Variants in ACP6 observed in about 807,000 individuals in gnomAD.
ACP6 encodes acid phosphatase 6, lysophosphatidic.
In ACP6, 48 loss-of-function variants were observed where a neutral mutation model predicts 48.1. The observed-to-expected ratio is 1.00, with a 90% CI of 0.79 to 1.27. ACP6 has a LOEUF of 1.27. Ranked by LOEUF, ACP6 falls within the 50% of genes most tolerant of loss-of-function variation. The pLI is 0.00. For missense variants in ACP6, 485 were observed against 529.1 expected (o/e 0.92, Z 0.82); for synonymous variants, 172 against 204.2 (o/e 0.84, Z 1.34).
chr1:147,667,187 G>A (rs1660838006), intron 1 of ACP6, among the ~76,000 whole-genome samples: 1 of 149,560 alleles, frequency 6.7e-6, no homozygotes, highest in Non-Finnish European at 1.5e-5. Context: ...AGCCATTCAA[G>A]CCATAAGAAA....
At position 147,646,025 on chromosome 1, in the gene ACP6, T is replaced by C. The variant is rs1322172907; in HGVS notation, c.*1398A>G. On this transcript the variant is annotated 3_prime_UTR_variant, in exon 10 of 10. Coordinates refer to ENST00000583509, the MANE Select transcript of ACP6 (RefSeq NM_016361.5). ...GCAACTGGGTTAGCAGATTTGGTGGTTGGGTGTTGGGGGATGTGGAAGTTT... is the reference window on the plus strand; with the variant it reads ...GCAACTGGGTTAGCAGATTTGGTGGCTGGGTGTTGGGGGATGTGGAAGTTT... The C allele has an allele frequency of 6.6e-6, 1 of 152,044 alleles. No individual in the cohort carries two copies. The highest frequency in any genetic ancestry group is 1.5e-5 in the Non-Finnish European group (1 of 68,014). The allele number at this position is 152,044 out of a possible 1,614,324, so 9.4% of individuals were successfully genotyped here.
rs1659667426 is a variant in ACP6, at chr1:147,647,337, TCTC to T, written c.*83_*85del. On this transcript the variant is annotated 3_prime_UTR_variant, in exon 10 of 10. Coordinates refer to ENST00000583509, the MANE Select transcript of ACP6 (RefSeq NM_016361.5). The stretch of plus-strand genomic sequence containing the variant: ...TATTAAAGTACATTACCCCTTGCTC[TCTC>T]CTCTTCCCAAACACACAAAGCAGGA... 9 of 1,482,080 alleles carry T rather than the reference TCTC, an allele frequency of 6.1e-6. No homozygotes were observed. In the South Asian group the frequency reaches 1.1e-4, roughly 18 times the overall value. The allele number at this position is 1,482,080 out of a possible 1,614,324, so 91.8% of individuals were successfully genotyped here.
At chr1:147,631,442 C>T (rs188974998) in intron 5 of ACP6, among the ~76,000 whole-genome samples, 17 of 152,260 alleles carry the variant, frequency 1.1e-4, no homozygotes, top group Non-Finnish European at 1.9e-4. Context: ...TCATTTATTA[C>T]GTGTTTGTTT....
At position 147,647,009 on chromosome 1, in the gene ACP6, C is replaced by T. The variant is rs1553209545; in HGVS notation, c.*414G>A. On this transcript the variant is annotated 3_prime_UTR_variant, in exon 10 of 10. Coordinates refer to ENST00000583509, the MANE Select transcript of ACP6 (RefSeq NM_016361.5). The stretch of plus-strand genomic sequence containing the variant: ...TACAGCACTGTATCACTGATTTACT[C>T]GGCTGCCTCTCCCACTGGACTGCAA... 5.6e-6 allele frequency: 1 copy of T among 177,772 alleles called. No homozygotes were observed. Among genetic ancestry groups the T allele is most frequent in the African/African-American group, 2.4e-5 (1 of 41,710 alleles). The allele number at this position is 177,772 out of a possible 1,614,324, so 11.0% of individuals were successfully genotyped here.
Position 147,669,881 on chromosome 1 carries a change from C to T in ACP6, c.168G>A (p.Val56=). The T allele has an allele frequency of 3.1e-6, 5 of 1,601,758 alleles. No individual in the cohort carries two copies. Among genetic ancestry groups the T allele is most frequent in the Non-Finnish European group, 4.3e-6 (5 of 1,174,994 alleles). The change falls in exon 1 of 10, where the codon GTG becomes GTA. Residue 56 remains valine (V), a synonymous_variant. Transcript: ENST00000583509. ...SLLKLKMVQV[V]FRHGARSPLK... ...GAGGACTCCGAGCCCCGTGTCGAAA[C>T]ACGACCTGCACCATTTTCAACTTCA...
chr1:147,649,850 T>A (rs1659825189), intron 8 of ACP6: 1 of 440,136 alleles, frequency 2.3e-6, no homozygotes, highest in Non-Finnish European at 4.0e-6. Flanking sequence ...TTTGGACTAT[T>A]ATCATATCAA....
In ACP6 at chr1:147,659,467, T is replaced by C. The variant is rs782509938; in HGVS notation, c.408A>G (p.Gly136=). The C allele has an allele frequency of 1.9e-6, 3 of 1,614,074 alleles. No homozygotes were observed. In the Admixed American group the frequency reaches 5.0e-5, roughly 27 times the overall value. Residue 136 remains glycine (G), a synonymous_variant, in exon 3 of 10, where the codon GGA becomes GGG. Coordinates refer to ENST00000583509, the MANE Select transcript of ACP6 (RefSeq NM_016361.5). ...KVGMQQMFAL[G]ERLRKNYVED... is the part of the protein sequence containing the mutation. ...CCACATAGTTCTTCCTCAGTCTCTC[T>C]CCCAAGGCAAACATTTGCTGCATGC...
chr1:147,636,760 T>A (rs1219269841), intron 5 of ACP6, among the ~76,000 whole-genome samples: 1 of 152,210 alleles, frequency 6.6e-6, no homozygotes, highest in South Asian at 2.1e-4. Context: ...ATGAAATGGC[T>A]GCTCTGGTAA....
At chr1:147,630,572 C>T (rs1255855370) in exon 6 of ACP6, 1 of 152,314 alleles carries the variant, frequency 6.6e-6, no homozygotes, top group Non-Finnish European at 1.5e-5. Context: ...TCCCTGGAGA[C>T]TCCTGCCCAT....
chr1:147,667,793 C>T (rs1173055058), intron 1 of ACP6, among the ~76,000 whole-genome samples: 1 of 152,062 alleles, frequency 6.6e-6, no homozygotes, highest in Admixed American at 6.6e-5. Flanking sequence ...ATATCGAGAC[C>T]ATCCTGGCCA....
Position 147,647,311 on chromosome 1 carries a change from A to G in ACP6, c.*112T>C. 1.6e-6 allele frequency: 2 copies of G among 1,240,710 alleles called. No homozygotes were observed. Among genetic ancestry groups the G allele is most frequent in the Non-Finnish European group, 2.3e-6 (2 of 888,474 alleles). 76.9% of individuals were successfully genotyped at this position (1,240,710 alleles called of 1,614,324 possible). A position where few individuals can be genotyped will look rare whatever the true frequency, so the allele number is the denominator to read the frequency against. On this transcript the variant is annotated 3_prime_UTR_variant, in exon 10 of 10. Transcript: ENST00000583509. Reference sequence around the variant, plus strand: ...CACAGAAAGGAAATATCCTTACATTATATTAAAGTACATTACCCCTTGCTC... The same window carrying G: ...CACAGAAAGGAAATATCCTTACATTGTATTAAAGTACATTACCCCTTGCTC...
At chr1:147,665,026 T>G (rs1199546299) in intron 1 of ACP6, among the ~76,000 whole-genome samples, 1 of 152,204 alleles carries the variant, frequency 6.6e-6, no homozygotes, top group Non-Finnish European at 1.5e-5. Flanking sequence ...AAAGAAGTGG[T>G]TTGGTTTGCC....
In ACP6 at chr1:147,647,565, T is replaced by C. The variant is rs1338973523; in HGVS notation, c.1145A>G (p.Glu382Gly). Residue 382 changes from glutamate (E) to glycine (G), a missense_variant and splice_region_variant, in exon 10 of 10, where the codon GAG (glutamate) becomes GGG (glycine). Coordinates refer to ENST00000583509, the MANE Select transcript of ACP6 (RefSeq NM_016361.5). The part of the protein sequence containing the change: ...WFVQLYYHGK[E>G]QVPRGCPDGL... ...ATCAGGGCAACCTCTCGGCACCTGC[T>C]CCTGCAGAAGAAACATAACTCAGCA... The C allele has an allele frequency of 6.2e-7, 1 of 1,611,880 alleles. No homozygotes were observed. Among genetic ancestry groups the C allele is most frequent in the African/African-American group, 1.3e-5 (1 of 74,902 alleles).
intron 7 of ACP6, 78 bp downstream of exon 7, chr1:147,652,371 G>T: frequency 7.1e-7 from 1 of 1,400,720 alleles, no homozygotes; most frequent in East Asian, 2.3e-5. Context: ...GTGTGAGTGG[G>T]CCTGATGAAC....
chr1:147,640,879 G>C (rs1659429735), downstream of ACP6, among the ~76,000 whole-genome samples: 1 of 152,198 alleles, frequency 6.6e-6, no homozygotes, highest in Non-Finnish European at 1.5e-5. Context: ...GTTTCTAGAG[G>C]CTGGCAGGGT....
chr1:147,658,310 G>A (rs1231824426), intron 4 of ACP6, among the ~76,000 whole-genome samples: 1 of 152,184 alleles, frequency 6.6e-6, no homozygotes, highest in Non-Finnish European at 1.5e-5. Flanking sequence ...TTTTAATAAG[G>A]TCATGATGAT....
At chr1:147,634,650 A>G (rs1659253048) in intron 5 of ACP6, among the ~76,000 whole-genome samples, 1 of 152,200 alleles carries the variant, frequency 6.6e-6, no homozygotes, top group African/African-American at 2.4e-5. Context: ...GTAATCACTT[A>G]TAATTCTACC....
At chr1:147,658,176 C>A (rs1042718388) in intron 4 of ACP6, among the ~76,000 whole-genome samples, 5 of 152,192 alleles carry the variant, frequency 3.3e-5, no homozygotes, top group Admixed American at 3.3e-4. Flanking sequence ...AGACCAGATT[C>A]CTCTTTCCTG....
intron 7 of ACP6, chr1:147,651,158 T>G (rs1659899164): frequency 6.6e-6 from 1 of 152,216 alleles, no homozygotes; most frequent in Non-Finnish European, 1.5e-5. Flanking sequence ...CAACCAACAC[T>G]GTATGCAACA....
Sources: allele counts gnomAD v4.1 joint callset (sites outside exome capture counted in the v4.1 genomes callset), GRCh38; gene constraint gnomAD v4.1.1; transcripts MANE v1.5; gene names NCBI Gene and HGNC (gene_info 2026-07-23, HGNC 2026-07-21).